The following HYDIN variants were observed in gnomAD, a reference collection of about 807,000 sequenced individuals.
The protein encoded by HYDIN is axonemal central pair apparatus protein HYDIN.
In HYDIN, 132 loss-of-function variants were observed where a neutral mutation model predicts 403.9. The observed-to-expected ratio is 0.33, with a 90% CI of 0.28 to 0.38. The LOEUF (loss-of-function observed/expected upper bound fraction) is 0.38, where lower values mean the gene tolerates loss of function less well. Among genes scored for constraint, HYDIN ranks in the 10% least tolerant of loss-of-function variants. The pLI is 1.00. For synonymous variants in HYDIN, 1,202 were observed against 1,891.7 expected (o/e 0.64, Z 9.46); for missense variants, 2,827 against 5,009.5 (o/e 0.56, Z 13.15).
intron 53 of HYDIN, among the ~76,000 whole-genome samples, chr16:70,899,090 C>G (rs1429637907): frequency 8.6e-5 from 13 of 150,672 alleles, no homozygotes; most frequent in African/African-American, 2.9e-4. Flanking sequence ...TACTAAAACT[C>G]AATGGCATTC....
At chr16:70,809,471 C>A (rs1026555913) in intron 85 of HYDIN, among the ~76,000 whole-genome samples, 27 of 152,180 alleles carry the variant, frequency 1.8e-4, no homozygotes, top group Admixed American at 3.9e-4. Flanking sequence ...ACAGCCGATA[C>A]CATGACTACT....
At chr16:71,127,093 A>T (rs1412651942) in intron 9 of HYDIN, among the ~76,000 whole-genome samples, 1 of 152,234 alleles carries the variant, frequency 6.6e-6, no homozygotes, top group African/African-American at 2.4e-5. Flanking sequence ...TAACATAAAT[A>T]AAGAATTCAT....
chr16:71,005,111 C>T (rs1222679029), intron 23 of HYDIN, among the ~76,000 whole-genome samples: 1 of 152,166 alleles, frequency 6.6e-6, no homozygotes, highest in Non-Finnish European at 1.5e-5. Context: ...CCCTAGTATA[C>T]AGTAATTTTT....
intron 67 of HYDIN, among the ~76,000 whole-genome samples, chr16:70,864,174 T>C (rs1231156073): frequency 6.7e-6 from 1 of 149,322 alleles, no homozygotes; most frequent in Non-Finnish European, 1.5e-5. Flanking sequence ...CTTCTAAAAA[T>C]ACAAAAATTA....
At chr16:70,841,382 A>G (rs2037808855) in intron 75 of HYDIN, among the ~76,000 whole-genome samples, 1 of 152,144 alleles carries the variant, frequency 6.6e-6, no homozygotes, top group Non-Finnish European at 1.5e-5. Flanking sequence ...CAAAAGGAAT[A>G]GGTCCCTTCT....
intron 18 of HYDIN, among the ~76,000 whole-genome samples, chr16:71,040,533 C>G (rs1427824837): frequency 7.6e-6 from 1 of 130,762 alleles, no homozygotes; most frequent in Non-Finnish European, 1.6e-5. Context: ...AGTTCCAGAG[C>G]TCAGGGATCC....
intron 1 of HYDIN, among the ~76,000 whole-genome samples, chr16:71,200,881 C>A (rs1469812261): frequency 6.6e-6 from 1 of 152,058 alleles, no homozygotes; most frequent in African/African-American, 2.4e-5. Flanking sequence ...AAACATCCAG[C>A]CTCTCATTCT....
Position 71,080,116 on chromosome 16 carries a change from G to T in HYDIN, c.1671-164C>A, listed in dbSNP as rs1229021380. 8.1e-6 allele frequency: 4 copies of T among 494,274 alleles called. No individual in the cohort carries two copies. The East Asian group carries it at 9.4e-5, about 12-fold the overall frequency. 30.6% of individuals were successfully genotyped at this position (494,274 alleles called of 1,614,324 possible). On this transcript the variant is annotated intron_variant, in intron 12 of 85. Transcript: ENST00000393567. ...GATGACATGATGGTCTATCACAGTG[G>T]TTCTTAAAATTCTTTTTCATGATTC...
chr16:71,178,456 T>G (rs2086772581), intron 4 of HYDIN, among the ~76,000 whole-genome samples: 1 of 146,748 alleles, frequency 6.8e-6, no homozygotes, highest in Non-Finnish European at 1.5e-5. Flanking sequence ...TATATATGTA[T>G]ATATATATAC....
chr16:70,814,773 G>GA (rs1212384666), intron 84 of HYDIN, among the ~76,000 whole-genome samples: 196 of 132,144 alleles, frequency 1.5e-3, no homozygotes, highest in Middle Eastern at 3.9e-3. Context: ...GGCTGTATTT[G>GA]AAAAAAAAAT....
At chr16:70,878,371 A>C (rs2040573886) in intron 62 of HYDIN, among the ~76,000 whole-genome samples, 1 of 143,334 alleles carries the variant, frequency 7.0e-6, no homozygotes, top group African/African-American at 2.7e-5. Context: ...ACTGACAAAT[A>C]CAGATGGAAA....
At chr16:70,921,244 C>G (rs772731841) in intron 45 of HYDIN, 27 bp from the exon 46 acceptor site, 1 of 1,512,662 alleles carries the variant, frequency 6.6e-7, no homozygotes, top group Non-Finnish European at 8.8e-7. Flanking sequence ...AGAAAAGATG[C>G]GTCAAACAGT....
chr16:70,883,706 A>G (rs1462483450), intron 59 of HYDIN, among the ~76,000 whole-genome samples: 2 of 151,790 alleles, frequency 1.3e-5, no homozygotes, highest in Admixed American at 6.6e-5. Flanking sequence ...AGTAGCTGGG[A>G]TTACAGGCAT....
intron 8 of HYDIN, chr16:71,132,113 T>C (rs2084734858): frequency 1.1e-5 from 1 of 95,052 alleles, no homozygotes; most frequent in Admixed American, 1.2e-4. Flanking sequence ...AGAATGGATT[T>C]TTGCCCTCAT....
At chr16:71,206,659 C>T (rs1160107888) in intron 1 of HYDIN, among the ~76,000 whole-genome samples, 3 of 152,098 alleles carry the variant, frequency 2.0e-5, no homozygotes, top group Non-Finnish European at 4.4e-5. Context: ...GAAACCCAAT[C>T]CAAGGAAGCT....
intron 35 of HYDIN, among the ~76,000 whole-genome samples, chr16:70,973,084 C>T (rs1458477764): frequency 1.3e-5 from 2 of 152,178 alleles, no homozygotes; most frequent in Non-Finnish European, 2.9e-5. Context: ...TCCTCAAAGA[C>T]ACACAGCATG....
intron 23 of HYDIN, among the ~76,000 whole-genome samples, chr16:71,012,345 C>T (rs2080115984): frequency 6.6e-6 from 1 of 152,254 alleles, no homozygotes; most frequent in African/African-American, 2.4e-5. Context: ...GGAGAGACCA[C>T]CATCCACCAT....
intron 1 of HYDIN, among the ~76,000 whole-genome samples, chr16:71,205,006 C>A (rs2088219388): frequency 6.6e-6 from 1 of 152,164 alleles, no homozygotes; most frequent in African/African-American, 2.4e-5. Flanking sequence ...TAAAAGAAAT[C>A]AAGCACCACA....
intron 45 of HYDIN, among the ~76,000 whole-genome samples, chr16:70,922,407 CA>C (rs1478157165): frequency 6.6e-6 from 1 of 152,192 alleles, no homozygotes; most frequent in Non-Finnish European, 1.5e-5. Context: ...ACAATTTTAA[CA>C]ACATGATTAA....
Sources: allele counts gnomAD v4.1 joint callset (sites outside exome capture counted in the v4.1 genomes callset), GRCh38; gene constraint gnomAD v4.1.1; transcripts MANE v1.5; gene names NCBI Gene and HGNC (gene_info 2026-07-23, HGNC 2026-07-21).